Variants in SPEF2 observed in about 807,000 individuals in gnomAD.
The protein encoded by SPEF2 is sperm flagellar and cilia associated 2.
In SPEF2, 187 loss-of-function variants were observed where a neutral mutation model predicts 224.6. The ratio of observed to expected loss-of-function variants is 0.83; its 90% confidence interval spans 0.74 to 0.94. The LOEUF (loss-of-function observed/expected upper bound fraction) is 0.94. SPEF2 is among the 40% of genes least tolerant of loss of function. The pLI, the probability that SPEF2 is intolerant of heterozygous loss-of-function variation, is 0.00. For synonymous variants in SPEF2, 715 were observed against 707.3 expected, an observed-to-expected ratio of 1.01 and a Z score of -0.17; for missense variants, 2,170 against 2,135.6, an observed-to-expected ratio of 1.02 and a Z score of -0.32.
rs1335354820 is a variant in SPEF2 at position 35,706,305 on chromosome 5, TTTA to T, written c.2665+507_2665+509del. On this transcript the variant is annotated intron_variant, in intron 18 of 36. Coordinates refer to ENST00000356031, the MANE Select transcript of SPEF2 (RefSeq NM_024867.4). ...ATCCACCTATTTTGTTATAAGTTTA[TTTA>T]TTATTATTAAATTGATTATTAATTA... Among the ~76,000 whole-genome samples the T allele has an allele frequency of 3.3e-5, 5 of 151,942 alleles. 1 individual carries two copies. The highest frequency in any genetic ancestry group is 4.1e-4 in the South Asian group (2 of 4,826).
At chr5:35,804,531 A>G (rs994208360) in intron 34 of SPEF2, among the ~76,000 whole-genome samples, 6 of 152,012 alleles carry the variant, frequency 3.9e-5, no homozygotes, top group African/African-American at 1.4e-4. Flanking sequence ...GACCATGCCA[A>G]CTTCTTCAGT....
At chr5:35,770,543 A>G (rs1752688474) in intron 26 of SPEF2, among the ~76,000 whole-genome samples, 1 of 151,482 alleles carries the variant, frequency 6.6e-6, no homozygotes, top group Non-Finnish European at 1.5e-5. Flanking sequence ...CCTGGTAACC[A>G]CTCTTGTACA....
intron 30 of SPEF2, among the ~76,000 whole-genome samples, chr5:35,785,710 T>C (rs139127089): frequency 2.7e-5 from 4 of 150,596 alleles, no homozygotes; most frequent in Admixed American, 2.0e-4. Context: ...ATTTGTTTTT[T>C]TAATTTTCTT....
chr5:35,635,218 C>T (rs954965664), intron 2 of SPEF2, among the ~76,000 whole-genome samples: 9 of 151,928 alleles, frequency 5.9e-5, no homozygotes, highest in Non-Finnish European at 1.3e-4. Flanking sequence ...TGCTGTTGAA[C>T]TCTTATTGTG....
At chr5:35,774,165 A>C in intron 28 of SPEF2, 144 bp downstream of exon 28, 4 of 1,182,392 alleles carry the variant, frequency 3.4e-6, no homozygotes, top group Non-Finnish European at 4.6e-6. Context: ...TATTCAGTTG[A>C]CTGTTTTCGT....
At chr5:35,651,888 G>A (rs4703422) in intron 6 of SPEF2, among the ~76,000 whole-genome samples, 2 of 152,066 alleles carry the variant, frequency 1.3e-5, no homozygotes, top group Non-Finnish European at 2.9e-5. Flanking sequence ...GTTTTTCCCC[G>A]TGTAACAAGG....
chr5:35,725,772 A>G lies in SPEF2; in HGVS notation c.2915-1903A>G, dbSNP rs1744536346. On this transcript the variant is annotated intron_variant, in intron 20 of 36. Transcript: ENST00000356031. ...TTAAAATCCAGTGTTCTAAAACTGAATTTCTCTTTTTACTGCATTTTATTT... is the reference window on the plus strand; with the variant it reads ...TTAAAATCCAGTGTTCTAAAACTGAGTTTCTCTTTTTACTGCATTTTATTT... Among the ~76,000 whole-genome samples the G allele has an allele frequency of 2.6e-5, 4 of 152,118 alleles. No individual in the cohort carries two copies. In the South Asian group the frequency reaches 8.3e-4, roughly 32 times the overall value.
intron 1 of SPEF2, among the ~76,000 whole-genome samples, chr5:35,625,564 A>T (rs1744119603): frequency 1.3e-5 from 2 of 152,240 alleles, no homozygotes; most frequent in Non-Finnish European, 2.9e-5. Context: ...AACAGAAAGC[A>T]ATAAGCCAAA....
At chr5:35,659,250 G>A in intron 8 of SPEF2, 43 bp downstream of exon 8, 1 of 1,502,164 alleles carries the variant, frequency 6.7e-7, no homozygotes, top group East Asian at 2.4e-5. Context: ...GGTTACTTTT[G>A]TTTCTTTCTA....
intron 26 of SPEF2, among the ~76,000 whole-genome samples, chr5:35,764,259 C>T (rs1276844247): frequency 6.6e-6 from 1 of 152,034 alleles, no homozygotes; most frequent in Non-Finnish European, 1.5e-5. Flanking sequence ...AGGCATTTTT[C>T]CTAAGTTACC....
At chr5:35,785,472 C>G (rs1464583015) in intron 30 of SPEF2, among the ~76,000 whole-genome samples, 3 of 151,928 alleles carry the variant, frequency 2.0e-5, no homozygotes, top group Non-Finnish European at 4.4e-5. Flanking sequence ...TTGAAACTAG[C>G]AAAATCAATA....
At position 35,617,954 on chromosome 5, in the gene SPEF2, G is replaced by C. The variant is rs775432048; in HGVS notation, c.-44G>C. 1.7e-5 allele frequency: 26 copies of C among 1,551,840 alleles called. No individual in the cohort carries two copies. Among genetic ancestry groups the C allele is most frequent in the Middle Eastern group, 1.7e-4 (1 of 6,016 alleles). ...CGGGCTGGCAGGCTTGGTTCCTGGC[G>C]AGTTTCTAAGCCCCCGCCTGCGGTC... On this transcript the variant is annotated 5_prime_UTR_variant, in exon 1 of 37. Coordinates refer to ENST00000356031, the MANE Select transcript of SPEF2 (RefSeq NM_024867.4).
chr5:35,662,072 A>C (rs1462396864), intron 8 of SPEF2, among the ~76,000 whole-genome samples: 1 of 152,162 alleles, frequency 6.6e-6, no homozygotes, highest in Non-Finnish European at 1.5e-5. Flanking sequence ...TTTTCTCTAC[A>C]ACCTCACCAG....
At chr5:35,776,210 C>T (rs757344513) in intron 28 of SPEF2, 47 bp from the exon 29 acceptor site, 2 of 1,560,806 alleles carry the variant, frequency 1.3e-6, no homozygotes, top group African/African-American at 2.7e-5. Flanking sequence ...TTAGTAAATG[C>T]ATGCACTGCA....
At chr5:35,637,615 A>T (rs923955917) in intron 2 of SPEF2, among the ~76,000 whole-genome samples, 1 of 152,204 alleles carries the variant, frequency 6.6e-6, no homozygotes, top group African/African-American at 2.4e-5. Context: ...TGTCATACCA[A>T]ATAAACCCTT....
Position 35,713,682 on chromosome 5 carries a change from G to T in SPEF2, c.2914+796G>T, listed in dbSNP as rs553476572. ...ATCCGGGAGACACGGAGGCTGCAGT[G>T]AGCCAAGACTGCGCCACTGCACTCC... is the stretch of plus-strand genomic sequence containing the variant. On this transcript the variant is annotated intron_variant, in intron 20 of 36. Transcript: ENST00000356031. 3.1e-4 allele frequency among the ~76,000 whole-genome samples: 46 copies of T among 148,632 alleles called. 1 individual carries two copies. The East Asian group carries it at 7.2e-3, about 23-fold the overall frequency.
chr5:35,641,289 A>C, intron 2 of SPEF2, 142 bp from the exon 3 acceptor site: 1 of 888,248 alleles, frequency 1.1e-6, no homozygotes, highest in East Asian at 2.6e-5. Context: ...TAGTTACATT[A>C]GAGTGGTTTT....
chr5:35,810,321 C>T lies in SPEF2; in HGVS notation c.5379+3068C>T, dbSNP rs189033849. On this transcript the variant is annotated intron_variant, in intron 36 of 36. Transcript: ENST00000356031. Reference sequence around the variant, plus strand: ...CCACCTCCTGGGTTCACACGATTCTCCTGCCTCAGCCTCCTGAGTAGCTGG... The same window carrying T: ...CCACCTCCTGGGTTCACACGATTCTTCTGCCTCAGCCTCCTGAGTAGCTGG... Among the ~76,000 whole-genome samples the T allele has an allele frequency of 5.6e-3, 855 of 152,196 alleles. 12 individuals carry two copies. Among genetic ancestry groups the T allele is most frequent in the African/African-American group, 0.019 (809 of 41,516 alleles).
At chr5:35,763,295 GT>G (rs2149758472) in intron 25 of SPEF2, among the ~76,000 whole-genome samples, 1 of 152,208 alleles carries the variant, frequency 6.6e-6, no homozygotes, top group African/African-American at 2.4e-5. Context: ...AAAATTATGG[GT>G]TTTTGTTGTT....
Sources: gnomAD v4.1 joint callset for allele counts (sites outside exome capture counted in the v4.1 genomes callset) on GRCh38, gnomAD v4.1.1 for gene constraint, MANE v1.5 for transcripts, NCBI Gene and HGNC (gene_info 2026-07-23, HGNC 2026-07-21) for gene names.